Variants in CAMK2G observed in about 807,000 individuals in gnomAD.
The protein encoded by CAMK2G is calcium/calmodulin dependent protein kinase II gamma.
CAMK2G carries 23 observed loss-of-function variants against 88.7 expected under a neutral mutation model. The observed-to-expected ratio is 0.26, with a 90% CI of 0.19 to 0.37. The LOEUF (loss-of-function observed/expected upper bound fraction) is 0.37, where lower values mean the gene tolerates loss of function less well. CAMK2G is among the 10% of genes least tolerant of loss of function. The pLI, the probability that CAMK2G is intolerant of heterozygous loss-of-function variation, is 1.00. For synonymous variants in CAMK2G, 263 were observed against 294.8 expected, an observed-to-expected ratio of 0.89 and a Z score of 1.11; for missense variants, 476 against 780.8, an observed-to-expected ratio of 0.61 and a Z score of 4.65.
intron 16 of CAMK2G, 75 bp downstream of exon 16, chr10:73,825,204 G>A (rs1207659642): frequency 2.9e-6 from 3 of 1,037,080 alleles, no homozygotes; most frequent in Admixed American, 1.7e-5. Flanking sequence ...CCAGGGAGGG[G>A]GCACAAGAGG....
intron 21 of CAMK2G, chr10:73,816,454 C>A: frequency 9.1e-7 from 1 of 1,094,432 alleles, no homozygotes; most frequent in Non-Finnish European, 1.1e-6. Flanking sequence ...AGAGGTGAGG[C>A]TTAAATAATT....
chr10:73,836,697 A>T (rs1328569552), intron 14 of CAMK2G, among the ~76,000 whole-genome samples: 1 of 152,190 alleles, frequency 6.6e-6, no homozygotes, highest in Non-Finnish European at 1.5e-5. Flanking sequence ...GTAAGCTGGG[A>T]GGCTTCAAGA....
chr10:73,817,329 TG>T, intron 20 of CAMK2G, 149 bp downstream of exon 20: 1 of 811,846 alleles, frequency 1.2e-6, no homozygotes, highest in Non-Finnish European at 2.0e-6. Context: ...GGAATCTACC[TG>T]GAAGGGCTCC....
At chr10:73,868,294 G>A (rs1301557489) in intron 2 of CAMK2G, among the ~76,000 whole-genome samples, 1 of 152,154 alleles carries the variant, frequency 6.6e-6, no homozygotes, top group Non-Finnish European at 1.5e-5. Flanking sequence ...GGGCCTCCCT[G>A]ACAGGACAGG....
chr10:73,816,893 C>T, intron 21 of CAMK2G, 130 bp downstream of exon 21: 1 of 1,608,974 alleles, frequency 6.2e-7, no homozygotes, highest in South Asian at 1.1e-5. Flanking sequence ...GACAAGCATA[C>T]AGAGTAGGAG....
intron 15 of CAMK2G, 97 bp from the exon 16 acceptor site, chr10:73,825,444 G>A (rs2090590347): frequency 2.2e-6 from 2 of 916,090 alleles, no homozygotes; most frequent in Non-Finnish European, 3.6e-6. Context: ...CTGGCCTGGA[G>A]GAGGTAGGCC....
intron 3 of CAMK2G, among the ~76,000 whole-genome samples, chr10:73,856,624 T>A (rs989527243): frequency 6.6e-6 from 1 of 152,148 alleles, no homozygotes; most frequent in Admixed American, 6.5e-5. Flanking sequence ...TATGGATGCG[T>A]GGAATAAAAT....
intron 2 of CAMK2G, among the ~76,000 whole-genome samples, chr10:73,861,425 A>G (rs1486516840): frequency 3.3e-5 from 5 of 151,998 alleles, no homozygotes; most frequent in Non-Finnish European, 5.9e-5. Flanking sequence ...GTGTGATCTC[A>G]GCTCACTGCA....
chr10:73,815,579 C>A (rs2085193735), intron 21 of CAMK2G, among the ~76,000 whole-genome samples: 2 of 152,212 alleles, frequency 1.3e-5, no homozygotes, highest in South Asian at 4.2e-4. Context: ...GAAATAGGCT[C>A]AAGGAATAAT....
At chr10:73,853,340 C>A (rs377393663) in intron 3 of CAMK2G, 94 bp from the exon 4 acceptor site, 11 of 1,125,842 alleles carry the variant, frequency 9.8e-6, no homozygotes, top group Admixed American at 5.7e-5. Context: ...CCCATCCTGT[C>A]GGGCTCACAG....
intron 14 of CAMK2G, among the ~76,000 whole-genome samples, chr10:73,834,119 C>T (rs1021259851): frequency 7.3e-5 from 11 of 151,708 alleles, no homozygotes; most frequent in East Asian, 1.9e-4. Context: ...GGGGTTTCAC[C>T]GTGTTAGCCA....
chr10:73,871,739 C>A (rs1342662276), intron 2 of CAMK2G, among the ~76,000 whole-genome samples: 6 of 151,948 alleles, frequency 3.9e-5, no homozygotes, highest in African/African-American at 1.5e-4. Context: ...AGGCAATGTA[C>A]ACGAACAGCA....
At chr10:73,833,915 T>TG (rs1289395788) in intron 14 of CAMK2G, among the ~76,000 whole-genome samples, 2 of 121,264 alleles carry the variant, frequency 1.6e-5, no homozygotes, top group African/African-American at 6.7e-5. Context: ...CTGGGTTTTT[T>TG]TTTTTTTTTT....
intron 1 of CAMK2G, chr10:73,873,415 G>A (rs1457517476): frequency 3.4e-6 from 4 of 1,188,122 alleles, no homozygotes; most frequent in African/African-American, 3.1e-5. Flanking sequence ...CAGCCCTGCG[G>A]TCCCGGCCAA....
chr10:73,835,567 A>G (rs1038161744), intron 14 of CAMK2G, among the ~76,000 whole-genome samples: 1 of 151,652 alleles, frequency 6.6e-6, no homozygotes, highest in South Asian at 2.1e-4. Context: ...CTGGGATTAC[A>G]GGAGTGAAGC....
chr10:73,874,539 A>C lies in CAMK2G; in HGVS notation c.-78T>G. On this transcript the variant is annotated 5_prime_UTR_variant, in exon 1 of 23. Transcript: ENST00000423381. ...GTCACCGCCGCCCGGCCGAGGGAGC[A>C]AGAGGAGGAGACGGGGCTGAGCCCG... 4.8e-6 allele frequency: 5 copies of C among 1,041,132 alleles called. No homozygotes were observed. The highest frequency in any genetic ancestry group is 5.3e-6 in the Non-Finnish European group (4 of 759,022). The allele number at this position is 1,041,132 out of a possible 1,614,324, so 64.5% of individuals were successfully genotyped here. A position where few individuals can be genotyped will look rare whatever the true frequency, so the allele number is the denominator to read the frequency against.
At chr10:73,824,142 T>G in intron 16 of CAMK2G, 58 bp from the exon 17 acceptor site, 1 of 1,348,972 alleles carries the variant, frequency 7.4e-7, no homozygotes, top group Non-Finnish European at 1.1e-6. Context: ...GGCTCTTCCC[T>G]GAGGAGCCCC....
At chr10:73,856,781 A>G (rs1167457177) in intron 3 of CAMK2G, among the ~76,000 whole-genome samples, 1 of 152,218 alleles carries the variant, frequency 6.6e-6, no homozygotes, top group Non-Finnish European at 1.5e-5. Flanking sequence ...GTTCTTTAAA[A>G]ACCGTGGAAG....
At chr10:73,845,098 C>G (rs2094130678) in intron 10 of CAMK2G, among the ~76,000 whole-genome samples, 1 of 152,158 alleles carries the variant, frequency 6.6e-6, no homozygotes, top group Non-Finnish European at 1.5e-5. Flanking sequence ...AGAACTCAAC[C>G]AGCATAGGAA....
Sources: gnomAD v4.1 joint callset for allele counts (sites outside exome capture counted in the v4.1 genomes callset) on GRCh38, gnomAD v4.1.1 for gene constraint, MANE v1.5 for transcripts, NCBI Gene and HGNC (gene_info 2026-07-23, HGNC 2026-07-21) for gene names.